Variants in TCF7L1 observed in about 807,000 individuals in gnomAD.
TCF7L1 encodes transcription factor 7 like 1, also known as transcription factor 7-like 1.
A neutral mutation model predicts 63.7 loss-of-function variants in TCF7L1; 18 were observed. The ratio of observed to expected loss-of-function variants is 0.28; its 90% CI spans 0.20 to 0.42. TCF7L1 has a LOEUF of 0.42. TCF7L1 is among the 10% of genes least tolerant of loss of function. The probability of loss-of-function intolerance (pLI) is 1.00; values close to 1 mark genes in which losing one functional copy is unlikely to be tolerated. For missense variants in TCF7L1, 654 were observed against 779.3 expected, an observed-to-expected ratio of 0.84 and a Z score of 1.91; for synonymous variants, 355 against 340.9, an observed-to-expected ratio of 1.04 and a Z score of -0.46.
chr2:85,297,397 T>C (rs1006058289), intron 4 of TCF7L1, among the ~76,000 whole-genome samples: 3 of 152,210 alleles, frequency 2.0e-5, no homozygotes, highest in African/African-American at 7.2e-5. Flanking sequence ...CATTCTCCTC[T>C]CTGCTGCAGC....
intron 3 of TCF7L1, among the ~76,000 whole-genome samples, chr2:85,150,252 G>A (rs1326607200): frequency 1.2e-5 from 1 of 80,434 alleles, no homozygotes; most frequent in Admixed American, 1.4e-4. Flanking sequence ...TTTTTTTTTT[G>A]AGACGGAGTC....
chr2:85,237,104 C>T (rs555798628), intron 3 of TCF7L1, among the ~76,000 whole-genome samples: 1 of 152,158 alleles, frequency 6.6e-6, no homozygotes, highest in Non-Finnish European at 1.5e-5. Flanking sequence ...GAAGTATGGT[C>T]CAGGAGGTGG....
At chr2:85,203,894 A>G (rs978362435) in intron 3 of TCF7L1, among the ~76,000 whole-genome samples, 13 of 152,188 alleles carry the variant, frequency 8.5e-5, no homozygotes, top group African/African-American at 3.1e-4. Flanking sequence ...AGCCACAGCA[A>G]GTGATAATGA....
chr2:85,203,227 A>G (rs1386746672), intron 3 of TCF7L1, among the ~76,000 whole-genome samples: 2 of 152,194 alleles, frequency 1.3e-5, no homozygotes, highest in Non-Finnish European at 2.9e-5. Context: ...TTGGGAAGCT[A>G]TAACTTATTT....
At chr2:85,192,700 T>C (rs190223758) in intron 3 of TCF7L1, among the ~76,000 whole-genome samples, 1 of 151,764 alleles carries the variant, frequency 6.6e-6, no homozygotes, top group African/African-American at 2.4e-5. Context: ...TCTTTTTTTT[T>C]TTTTTTTTAA....
At chr2:85,143,323 C>T (rs931097954) in intron 3 of TCF7L1, among the ~76,000 whole-genome samples, 12 of 152,188 alleles carry the variant, frequency 7.9e-5, no homozygotes, top group African/African-American at 2.9e-4. Context: ...TCAAAAAATA[C>T]TAATTAATAC....
intron 3 of TCF7L1, among the ~76,000 whole-genome samples, chr2:85,264,501 A>ATT (rs2104349664): frequency 6.6e-6 from 1 of 152,130 alleles, no homozygotes; most frequent in African/African-American, 2.4e-5. Flanking sequence ...AAGATGTGGA[A>ATT]TTTTCAGGTC....
At chr2:85,164,115 A>G (rs570551831) in intron 3 of TCF7L1, among the ~76,000 whole-genome samples, 28 of 151,488 alleles carry the variant, frequency 1.8e-4, no homozygotes, top group African/African-American at 6.8e-4. Context: ...GTAGCTGCAT[A>G]TTTTTTTTTC....
Position 85,134,180 on chromosome 2 carries a change from T to G in TCF7L1, c.313+101T>G, listed in dbSNP as rs1358730143. 1 of 1,523,320 alleles carries G rather than the reference T, an allele frequency of 6.6e-7. No individual in the cohort carries two copies. The highest frequency in any genetic ancestry group is 8.8e-7 in the Non-Finnish European group (1 of 1,131,146). The allele number at this position is 1,523,320 out of a possible 1,614,324, so 94.4% of individuals were successfully genotyped here. On this transcript the variant is annotated intron_variant, in intron 2 of 11. Coordinates refer to ENST00000282111, the MANE Select transcript of TCF7L1 (RefSeq NM_031283.3). This position sits in a 1 kb window ranked among gnomAD's most constrained non-coding sequence, Gnocchi z 5.0. ...CCCCCTTGCTTGGGTGGACGCACCCTTGCCCTCCGCCTTTATTGGCGGCAG... is the reference window on the plus strand; with the variant it reads ...CCCCCTTGCTTGGGTGGACGCACCCGTGCCCTCCGCCTTTATTGGCGGCAG...
chr2:85,238,774 G>A (rs965272219), intron 3 of TCF7L1, among the ~76,000 whole-genome samples: 2 of 146,390 alleles, frequency 1.4e-5, no homozygotes, highest in African/African-American at 5.0e-5. Flanking sequence ...ATCTTTTGGA[G>A]CATTTTATTT....
intron 3 of TCF7L1, among the ~76,000 whole-genome samples, chr2:85,223,578 A>G (rs1023787140): frequency 6.6e-6 from 1 of 152,034 alleles, no homozygotes; most frequent in African/African-American, 2.4e-5. Context: ...AGCTGGATAG[A>G]TACTGGTGTG....
intron 3 of TCF7L1, among the ~76,000 whole-genome samples, chr2:85,135,268 G>T (rs1445907142): frequency 6.6e-6 from 1 of 152,162 alleles, no homozygotes; most frequent in Non-Finnish European, 1.5e-5. Flanking sequence ...GCAGCTGGGG[G>T]CTGGCGAGGC....
intron 3 of TCF7L1, among the ~76,000 whole-genome samples, chr2:85,197,079 C>T (rs1175716252): frequency 6.6e-6 from 1 of 152,188 alleles, no homozygotes; most frequent in Non-Finnish European, 1.5e-5. Context: ...CCACCCCCAG[C>T]CTAAGTAAGT....
chr2:85,141,497 C>T (rs1461508671), intron 3 of TCF7L1, among the ~76,000 whole-genome samples: 2 of 152,168 alleles, frequency 1.3e-5, no homozygotes, highest in Middle Eastern at 3.2e-3. Flanking sequence ...CCTTCTATCC[C>T]GGTGTACCTT....
intron 3 of TCF7L1, among the ~76,000 whole-genome samples, chr2:85,253,471 T>G (rs961829612): frequency 6.6e-6 from 1 of 152,200 alleles, no homozygotes; most frequent in Non-Finnish European, 1.5e-5. Context: ...TGCAGAAATA[T>G]TGATCAGGTT....
chr2:85,233,858 A>G (rs1442456188), intron 3 of TCF7L1: 1 of 152,092 alleles, frequency 6.6e-6, no homozygotes, highest in Non-Finnish European at 1.5e-5. Context: ...GCTCACTAAT[A>G]TGCACTTGAA....
intron 4 of TCF7L1, among the ~76,000 whole-genome samples, chr2:85,292,695 G>A (rs1681754312): frequency 6.6e-6 from 1 of 152,142 alleles, no homozygotes; most frequent in African/African-American, 2.4e-5. Flanking sequence ...TCCCACCTCA[G>A]CCTCCCAAGT....
At chr2:85,137,553 C>T (rs558200248) in intron 3 of TCF7L1, among the ~76,000 whole-genome samples, 2 of 152,324 alleles carry the variant, frequency 1.3e-5, no homozygotes, top group African/African-American at 2.4e-5. Context: ...AAAGGCTTCA[C>T]GGTTTACTAA....
At chr2:85,235,525 G>A (rs1310893339) in intron 3 of TCF7L1, among the ~76,000 whole-genome samples, 1 of 151,914 alleles carries the variant, frequency 6.6e-6, no homozygotes, top group Non-Finnish European at 1.5e-5. Flanking sequence ...CTCCCTTGTG[G>A]TGTGACCATG....
Sources: gnomAD v4.1 joint callset for allele counts (sites outside exome capture counted in the v4.1 genomes callset) on GRCh38, gnomAD v4.1.1 for gene constraint, Gnocchi (gnomAD v3.1) non-coding constraint, MANE v1.5 for transcripts, NCBI Gene and HGNC (gene_info 2026-07-23, HGNC 2026-07-21) for gene names.